Variants in PAWR observed in about 807,000 individuals in gnomAD.
PAWR encodes the protein PRKC apoptosis WT1 regulator protein.
A neutral mutation model predicts 32.0 loss-of-function variants in PAWR; 23 were observed. The observed-to-expected ratio is 0.72, with a 90% CI of 0.52 to 1.02. The LOEUF is 1.02. PAWR is among the 50% of genes least tolerant of loss of function. The pLI is 0.00. For synonymous variants in PAWR, 226 were observed against 187.1 expected, an observed-to-expected ratio of 1.21 and a Z score of -1.70; for missense variants, 457 against 437.7, an observed-to-expected ratio of 1.04 and a Z score of -0.39.
chr12:79,641,145 G>A (rs1235672944), intron 2 of PAWR, among the ~76,000 whole-genome samples: 1 of 152,090 alleles, frequency 6.6e-6, no homozygotes, highest in South Asian at 2.1e-4. Flanking sequence ...TGCTTATACA[G>A]AAAGGCAATT....
chr12:79,613,701 A>T, intron 3 of PAWR, 92 bp from the exon 4 acceptor site: 1 of 599,966 alleles, frequency 1.7e-6, no homozygotes. Context: ...ACCTAATTTT[A>T]AAAAGACCAA....
Position 79,590,155 on chromosome 12 carries a change from CAAA to C in PAWR, c.*2449_*2451del, listed in dbSNP as rs996539474. 6.6e-6 allele frequency: 1 copy of C among 151,428 alleles called. No homozygotes were observed. Among genetic ancestry groups the C allele is most frequent in the African/African-American group, 2.4e-5 (1 of 41,268 alleles). The allele number at this position is 151,428 out of a possible 1,614,324, so 9.4% of individuals were successfully genotyped here. Reference sequence around the variant, plus strand: ...AAAAATCACTGCTAGAAATGTTCCCCAAAAAATTCTTAAACAGCTCAGTCTTTA... The same window carrying C: ...AAAAATCACTGCTAGAAATGTTCCCCAAATTCTTAAACAGCTCAGTCTTTA... On this transcript the variant is annotated 3_prime_UTR_variant, in exon 7 of 7. Coordinates refer to ENST00000328827, the MANE Select transcript of PAWR (RefSeq NM_002583.4).
intron 2 of PAWR, among the ~76,000 whole-genome samples, chr12:79,624,897 AGTTTC>A: frequency 6.6e-6 from 1 of 152,258 alleles, no homozygotes; most frequent in Non-Finnish European, 1.5e-5. Context: ...TTATATATAT[AGTTTC>A]TGTATATATG....
chr12:79,677,843 A>G (rs1878243281), intron 2 of PAWR, among the ~76,000 whole-genome samples: 1 of 152,208 alleles, frequency 6.6e-6, no homozygotes, highest in African/African-American at 2.4e-5. Context: ...TCAGAATGCA[A>G]TAAACTGGTT....
At chr12:79,658,851 G>A (rs1193706631) in intron 2 of PAWR, among the ~76,000 whole-genome samples, 1 of 151,670 alleles carries the variant, frequency 6.6e-6, no homozygotes, top group Non-Finnish European at 1.5e-5. Context: ...AGTAGTGATG[G>A]GATTTCACCA....
intron 2 of PAWR, among the ~76,000 whole-genome samples, chr12:79,634,201 C>G (rs1226362907): frequency 6.6e-6 from 1 of 152,084 alleles, no homozygotes; most frequent in Non-Finnish European, 1.5e-5. Context: ...TATCTGAAAA[C>G]AGTTTTCAAA....
intron 2 of PAWR, among the ~76,000 whole-genome samples, chr12:79,635,022 T>C (rs1875893464): frequency 6.6e-6 from 1 of 152,180 alleles, no homozygotes; most frequent in African/African-American, 2.4e-5. Context: ...TATATTGCTC[T>C]GTACATAACC....
chr12:79,587,111 T>G lies in PAWR; in HGVS notation c.*5496A>C, dbSNP rs1873406463. The G allele has an allele frequency of 6.6e-6, 1 of 152,098 alleles. No individual in the cohort carries two copies. The highest frequency in any genetic ancestry group is 2.4e-5 in the African/African-American group (1 of 41,434). 9.4% of individuals were successfully genotyped at this position (152,098 alleles called of 1,614,324 possible). ...CTAGAAGGGAAAAAATTGAGTTTGATGAAGTCTAAGATGAAAGGTTCCATT... is the reference window on the plus strand; with the variant it reads ...CTAGAAGGGAAAAAATTGAGTTTGAGGAAGTCTAAGATGAAAGGTTCCATT... On this transcript the variant is annotated 3_prime_UTR_variant, in exon 7 of 7. Coordinates refer to ENST00000328827, the MANE Select transcript of PAWR (RefSeq NM_002583.4).
chr12:79,607,743 AAAT>A lies in PAWR; in HGVS notation c.683+5829_683+5831del, dbSNP rs1555234264. ...GACCTTGTCTCAAAAAAAAAAAAAA[AAAT>A]AATAATAATAATAATAATCTGGCTG... On this transcript the variant is annotated intron_variant, in intron 4 of 6. Transcript: ENST00000328827. Among the ~76,000 whole-genome samples the A allele has an allele frequency of 1.6e-3, 202 of 127,794 alleles. 10 individuals carry two copies. Among genetic ancestry groups the A allele is most frequent in the Middle Eastern group, 3.6e-3 (1 of 276 alleles). The allele number at this position is 127,794 out of a possible 152,430, so 83.8% of individuals were successfully genotyped here.
intron 2 of PAWR, among the ~76,000 whole-genome samples, chr12:79,626,555 G>A (rs899581323): frequency 6.6e-6 from 1 of 151,036 alleles, no homozygotes; most frequent in Non-Finnish European, 1.5e-5. Flanking sequence ...CACACGCCCC[G>A]CCGAAATGAC....
intron 5 of PAWR, among the ~76,000 whole-genome samples, chr12:79,595,262 T>G (rs1348287159): frequency 1.3e-5 from 2 of 152,232 alleles, no homozygotes; most frequent in Admixed American, 1.3e-4. Flanking sequence ...AATTTTTTTT[T>G]TCTTTAAACA....
chr12:79,620,471 A>G (rs1566005228), intron 3 of PAWR, among the ~76,000 whole-genome samples: 1 of 152,168 alleles, frequency 6.6e-6, no homozygotes, highest in Non-Finnish European at 1.5e-5. Flanking sequence ...AGCCTGACCT[A>G]AGAAATCAGA....
chr12:79,649,595 C>T lies in PAWR; in HGVS notation c.517-28388G>A, dbSNP rs185470767. On this transcript the variant is annotated intron_variant, in intron 2 of 6. Coordinates refer to ENST00000328827, the MANE Select transcript of PAWR (RefSeq NM_002583.4). ...TGAAGCCAGGAGTACAAGACCAGCC[C>T]GGTGCAACATAGCAAAACACTGTCT... is the stretch of plus-strand genomic sequence containing the variant. 3.6e-3 allele frequency among the ~76,000 whole-genome samples: 542 copies of T among 151,860 alleles called. 3 individuals are homozygous for T. The highest frequency in any genetic ancestry group is 0.012 in the African/African-American group (517 of 41,426).
At chr12:79,646,270 T>C (rs1876569621) in intron 2 of PAWR, among the ~76,000 whole-genome samples, 1 of 152,134 alleles carries the variant, frequency 6.6e-6, no homozygotes, top group African/African-American at 2.4e-5. Flanking sequence ...GTAGTAGTAG[T>C]ACTAAGGACA....
At chr12:79,618,703 A>G (rs1874862597) in intron 3 of PAWR, among the ~76,000 whole-genome samples, 1 of 152,176 alleles carries the variant, frequency 6.6e-6, no homozygotes, top group Non-Finnish European at 1.5e-5. Flanking sequence ...GGCAGAGGAC[A>G]TTATGTTCAC....
chr12:79,689,771 C>T lies in PAWR; in HGVS notation c.474G>A (p.Glu158=). Residue 158 remains glutamate (E), a synonymous_variant, in exon 2 of 7, where the codon GAG becomes GAA. Coordinates refer to ENST00000328827, the MANE Select transcript of PAWR (RefSeq NM_002583.4). ...KGQIEKRKLR[E]KRRSTGVVNI... The stretch of plus-strand genomic sequence containing the variant: ...TGACCACGCCGGTGGAGCGCCGCTT[C>T]TCCCGCAGCTTCCTCTTCTCGATCT... The T allele has an allele frequency of 6.3e-7, 1 of 1,586,152 alleles. No individual in the cohort carries two copies. Among genetic ancestry groups the T allele is most frequent in the Non-Finnish European group, 8.6e-7 (1 of 1,167,640 alleles).
intron 2 of PAWR, among the ~76,000 whole-genome samples, chr12:79,662,659 A>G (rs1276750402): frequency 6.6e-6 from 1 of 152,236 alleles, no homozygotes; most frequent in Non-Finnish European, 1.5e-5. Context: ...GCAGAAGCCC[A>G]GCTCTTTATG....
At chr12:79,648,061 G>T (rs1876662360) in intron 2 of PAWR, among the ~76,000 whole-genome samples, 1 of 152,222 alleles carries the variant, frequency 6.6e-6, no homozygotes, top group Non-Finnish European at 1.5e-5. Flanking sequence ...GCAGAGCTCA[G>T]GCAGTAATGT....
intron 4 of PAWR, among the ~76,000 whole-genome samples, chr12:79,605,468 C>T (rs1874136454): frequency 6.6e-6 from 1 of 151,784 alleles, no homozygotes; most frequent in African/African-American, 2.4e-5. Flanking sequence ...TACCCTGCAC[C>T]TTTGAACTAT....
Sources: gnomAD v4.1 joint callset for allele counts (sites outside exome capture counted in the v4.1 genomes callset) on GRCh38, gnomAD v4.1.1 for gene constraint, MANE v1.5 for transcripts, NCBI Gene and HGNC (gene_info 2026-07-23, HGNC 2026-07-21) for gene names.